SECISBP2: variants seen among roughly 807,000 people sequenced by gnomAD.
The protein encoded by SECISBP2 is selenocysteine insertion sequence-binding protein 2.
A neutral mutation model predicts 98.2 loss-of-function variants in SECISBP2; 96 were observed. The observed-to-expected ratio is 0.98, with a 90% CI of 0.83 to 1.16. The LOEUF is 1.16. SECISBP2 is among the 50% of genes most tolerant of loss of function. The pLI, the probability that SECISBP2 is intolerant of heterozygous loss-of-function variation, is 0.00. For synonymous variants in SECISBP2, 407 were observed against 370.2 expected, an observed-to-expected ratio of 1.10 and a Z score of -1.14; for missense variants, 1,046 against 1,022.9, an observed-to-expected ratio of 1.02 and a Z score of -0.31.
intron 4 of SECISBP2, among the ~76,000 whole-genome samples, chr9:89,327,512 A>G (rs761693610): frequency 7.2e-5 from 11 of 152,116 alleles, no homozygotes; most frequent in Non-Finnish European, 1.3e-4. Context: ...GGACAAAAAT[A>G]TTTTCTTTCT....
downstream of SECISBP2, among the ~76,000 whole-genome samples, chr9:89,360,262 G>C (rs1014998914): frequency 6.6e-6 from 1 of 152,176 alleles, no homozygotes; most frequent in Non-Finnish European, 1.5e-5. Flanking sequence ...AGCGGGGCCA[G>C]CAGGAAAGGA....
At chr9:89,340,802 A>G (rs1829541233) in intron 9 of SECISBP2, among the ~76,000 whole-genome samples, 2 of 152,208 alleles carry the variant, frequency 1.3e-5, no homozygotes, top group South Asian at 4.1e-4. Flanking sequence ...AACTTTTTAT[A>G]TAGTCTCAAA....
the SECISBP2 span, among the ~76,000 whole-genome samples, chr9:89,366,162 G>A: frequency 6.6e-6 from 1 of 152,214 alleles, no homozygotes; most frequent in Non-Finnish European, 1.5e-5. Context: ...AGAAAAATAA[G>A]TGAAACAATA....
chr9:89,360,096 G>A (rs1832651932), downstream of SECISBP2, among the ~76,000 whole-genome samples: 1 of 152,196 alleles, frequency 6.6e-6, no homozygotes, highest in Non-Finnish European at 1.5e-5. Context: ...GGCACCGTCT[G>A]CCCTGTCATC....
At position 89,357,571 on chromosome 9, in the gene SECISBP2, TGCACAGG is replaced by T. The variant is rs1832282822; in HGVS notation, c.2268+14_2268+20del. 1 of 1,612,600 alleles carries T rather than the reference TGCACAGG, an allele frequency of 6.2e-7. No homozygotes were observed. The highest frequency in any genetic ancestry group is 1.3e-5 in the African/African-American group (1 of 74,746). ...TCAGCTATGATGGGGCCCAGGTGAG[TGCACAGG>T]GCACAGGCCTCTTCAGTCACTGCCC... On this transcript the variant is annotated splice_region_variant and intron_variant, in intron 15 of 16. Coordinates refer to ENST00000375807, the MANE Select transcript of SECISBP2 (RefSeq NM_024077.5).
intron 5 of SECISBP2, chr9:89,330,045 ATGT>A (rs1428978336): frequency 2.6e-5 from 4 of 152,178 alleles, no homozygotes; most frequent in Non-Finnish European, 5.9e-5. Flanking sequence ...TTTCATTATG[ATGT>A]TGATGAAAAA....
At chr9:89,330,243 A>C (rs541471446) in intron 5 of SECISBP2, 1 of 152,368 alleles carries the variant, frequency 6.6e-6, no homozygotes, top group Admixed American at 6.5e-5. Flanking sequence ...TTATTACAGC[A>C]GGTTAATTCA....
Position 89,357,517 on chromosome 9 carries a change from G to C in SECISBP2, c.2220G>C (p.Lys740Asn). ...NRKALGRSLN[K>N]AVPVSVVGIF... The stretch of plus-strand genomic sequence containing the variant: ...AAGCTCTGGGGCGCAGTTTGAATAA[G>C]GCAGTTCCTGTCAGTGTGGTGGGGA... Residue 740 changes from lysine to asparagine, a missense_variant, in exon 15 of 17, where the codon AAG becomes AAC. Lys to Asn is a moderately conservative substitution (Grantham distance 94). Coordinates refer to ENST00000375807, the MANE Select transcript of SECISBP2 (RefSeq NM_024077.5). 2 of 1,614,186 alleles carry C rather than the reference G, an allele frequency of 1.2e-6. No homozygotes were observed. Among genetic ancestry groups the C allele is most frequent in the South Asian group, 1.1e-5 (1 of 91,080 alleles).
At chr9:89,338,625 G>A in intron 8 of SECISBP2, 45 bp downstream of exon 8, 1 of 1,583,956 alleles carries the variant, frequency 6.3e-7, no homozygotes, top group Non-Finnish European at 8.6e-7. Context: ...TAATAAGTGG[G>A]TCTTTCTTAA....
chr9:89,337,880 G>A (rs1277521792), intron 7 of SECISBP2, among the ~76,000 whole-genome samples: 4 of 152,244 alleles, frequency 2.6e-5, no homozygotes, highest in African/African-American at 4.8e-5. Context: ...GGTAGATGGA[G>A]ATGAGGAGCA....
intron 5 of SECISBP2, among the ~76,000 whole-genome samples, chr9:89,331,594 C>A (rs566564682): frequency 1.3e-5 from 2 of 152,290 alleles, no homozygotes; most frequent in African/African-American, 4.8e-5. Context: ...ATACACATAG[C>A]GTCATTATAT....
downstream of SECISBP2, chr9:89,363,653 A>T: frequency 1.3e-6 from 2 of 1,593,330 alleles, no homozygotes; most frequent in Non-Finnish European, 1.7e-6. Context: ...CCGTGCAAGC[A>T]TGCTTTCCAG....
chr9:89,342,955 T>G (rs1421609920), intron 10 of SECISBP2, among the ~76,000 whole-genome samples: 1 of 152,262 alleles, frequency 6.6e-6, no homozygotes, highest in Non-Finnish European at 1.5e-5. Flanking sequence ...TTTAAGTTAT[T>G]AAAATAGGAT....
At chr9:89,324,131 C>T (rs1826281005) in intron 2 of SECISBP2, 1 of 152,114 alleles carries the variant, frequency 6.6e-6, no homozygotes, top group African/African-American at 2.4e-5. Flanking sequence ...CCTTCAGTGA[C>T]ACTTGCCCCC....
chr9:89,336,372 C>G (rs1407405673), intron 7 of SECISBP2, among the ~76,000 whole-genome samples: 1 of 151,484 alleles, frequency 6.6e-6, no homozygotes. Flanking sequence ...AGAACTGTTT[C>G]TTCAAGAGCC....
Position 89,328,581 on chromosome 9 carries a change from A to T in SECISBP2, c.575-79A>T, listed in dbSNP as rs1437242971. The T allele has an allele frequency of 4.1e-5, 44 of 1,064,534 alleles. 1 individual carries two copies. The East Asian group carries it at 1.1e-3, about 26-fold the overall frequency. The allele number at this position is 1,064,534 out of a possible 1,614,324, so 65.9% of individuals were successfully genotyped here. On this transcript the variant is annotated intron_variant, in intron 4 of 16. Transcript: ENST00000375807. The stretch of plus-strand genomic sequence containing the variant: ...TTGCATCAATAGCAATAGTCTTTGT[A>T]CTCTGCAATTTTTGCTTGCATACTG...
At chr9:89,358,351 T>C (rs1176936793) in intron 16 of SECISBP2, among the ~76,000 whole-genome samples, 160 bp downstream of exon 16, 1 of 152,224 alleles carries the variant, frequency 6.6e-6, no homozygotes, top group East Asian at 1.9e-4. Flanking sequence ...ATCAGACTTT[T>C]GAAGTGGGAA....
At chr9:89,319,253 A>G (rs1023191994) in intron 1 of SECISBP2, among the ~76,000 whole-genome samples, 3 of 152,232 alleles carry the variant, frequency 2.0e-5, no homozygotes, top group African/African-American at 7.2e-5. Flanking sequence ...TGTAATGGAA[A>G]TAAACGTCTG....
At chr9:89,360,615 G>C (rs1464686941), downstream of SECISBP2, among the ~76,000 whole-genome samples, 1 of 152,074 alleles carries the variant, frequency 6.6e-6, no homozygotes, top group African/African-American at 2.4e-5. Context: ...CTTTTCCTGG[G>C]ATTTAACCAA....
Sources: gnomAD v4.1 joint callset for allele counts (sites outside exome capture counted in the v4.1 genomes callset) on GRCh38, gnomAD v4.1.1 for gene constraint, MANE v1.5 for transcripts, NCBI Gene and HGNC (gene_info 2026-07-23, HGNC 2026-07-21) for gene names.